DNAJC3: variants seen among roughly 807,000 people sequenced by gnomAD.
DNAJC3 encodes DnaJ heat shock protein family (Hsp40) member C3.
A neutral mutation model predicts 68.6 loss-of-function variants in DNAJC3; 38 were observed. That is an observed-to-expected ratio of 0.55 (90% CI 0.43 to 0.73). DNAJC3 has a LOEUF of 0.73. DNAJC3 is among the 30% of genes least tolerant of loss of function. DNAJC3 has a pLI of 0.00. For missense variants in DNAJC3, 526 were observed against 591.9 expected (o/e 0.89, Z 1.16); for synonymous variants, 203 against 204.0 (o/e 1.00, Z 0.04).
At chr13:95,764,259 G>A (rs527275838) in intron 9 of DNAJC3, among the ~76,000 whole-genome samples, 6 of 151,420 alleles carry the variant, frequency 4.0e-5, no homozygotes, top group East Asian at 3.9e-4. Flanking sequence ...CATGTTATCC[G>A]GAAGTAATCA....
chr13:95,730,121 A>G (rs1319519529), intron 4 of DNAJC3, among the ~76,000 whole-genome samples: 2 of 152,004 alleles, frequency 1.3e-5, no homozygotes, highest in African/African-American at 4.8e-5. Context: ...CCCCCCAAGT[A>G]ACTGAGACTA....
At chr13:95,769,418 GTAT>G (rs1329888264) in intron 9 of DNAJC3, among the ~76,000 whole-genome samples, 1 of 152,210 alleles carries the variant, frequency 6.6e-6, no homozygotes, top group African/African-American at 2.4e-5. Flanking sequence ...GATGCTGATT[GTAT>G]TTAAGATCCT....
In DNAJC3 at chr13:95,794,682, G is replaced by A. The variant is rs756509742; in HGVS notation, c.*3652G>A. The A allele has an allele frequency of 1.3e-5, 2 of 152,196 alleles. No homozygotes were observed. Among genetic ancestry groups the A allele is most frequent in the Admixed American group, 6.5e-5 (1 of 15,290 alleles). The allele number at this position is 152,196 out of a possible 1,614,324, so 9.4% of individuals were successfully genotyped here. A position where few individuals can be genotyped will look rare whatever the true frequency, so the allele number is the denominator to read the frequency against. On this transcript the variant is annotated 3_prime_UTR_variant, in exon 12 of 12. Coordinates refer to ENST00000602402, the MANE Select transcript of DNAJC3 (RefSeq NM_006260.5). ...ATTTAAGAGTAAAATTAGCCACTGC[G>A]TGGCTTTGTGTATAGTAACCGGTTT...
chr13:95,685,689 G>GT (rs374477294), intron 1 of DNAJC3, among the ~76,000 whole-genome samples: 41 of 150,486 alleles, frequency 2.7e-4, no homozygotes, highest in East Asian at 9.8e-4. Context: ...TAGGTTTTTT[G>GT]TTTTTTTTTA....
chr13:95,743,854 CG>C (rs1882223615), intron 4 of DNAJC3, among the ~76,000 whole-genome samples: 1 of 152,180 alleles, frequency 6.6e-6, no homozygotes, highest in African/African-American at 2.4e-5. Flanking sequence ...CCACCACGCC[CG>C]GCTGCCTCCT....
At chr13:95,747,588 C>T (rs1156760225) in intron 4 of DNAJC3, among the ~76,000 whole-genome samples, 2 of 152,130 alleles carry the variant, frequency 1.3e-5, no homozygotes, top group Non-Finnish European at 2.9e-5. Context: ...GGAATTGGCT[C>T]TTTATGGCCA....
At chr13:95,706,824 G>A (rs1880766756) in intron 1 of DNAJC3, among the ~76,000 whole-genome samples, 2 of 152,178 alleles carry the variant, frequency 1.3e-5, no homozygotes, top group South Asian at 2.1e-4. Flanking sequence ...GAAACTTGGT[G>A]AGACCATGAA....
rs2139707214 is a variant in DNAJC3, at chr13:95,794,286, T to G, written c.*3256T>G. ...TCTACTCACAATGGATGATGAAAAATTTCACCTTTAAATGGGTCAGAAGTT... is the reference window on the plus strand; with the variant it reads ...TCTACTCACAATGGATGATGAAAAAGTTCACCTTTAAATGGGTCAGAAGTT... On this transcript the variant is annotated 3_prime_UTR_variant, in exon 12 of 12. Coordinates refer to ENST00000602402, the MANE Select transcript of DNAJC3 (RefSeq NM_006260.5). 6.6e-6 allele frequency: 1 copy of G among 152,212 alleles called. No homozygotes were observed. Among genetic ancestry groups the G allele is most frequent in the East Asian group, 1.9e-4 (1 of 5,168 alleles). 9.4% of individuals were successfully genotyped at this position (152,212 alleles called of 1,614,324 possible). A position where few individuals can be genotyped will look rare whatever the true frequency, so the allele number is the denominator to read the frequency against.
intron 4 of DNAJC3, among the ~76,000 whole-genome samples, chr13:95,726,953 G>C (rs2139645012): frequency 6.6e-6 from 1 of 152,298 alleles, no homozygotes; most frequent in East Asian, 1.9e-4. Flanking sequence ...AAACTGCCTT[G>C]TGGTCTCAAT....
chr13:95,754,405 A>G (rs752579496), intron 4 of DNAJC3, among the ~76,000 whole-genome samples: 3 of 152,180 alleles, frequency 2.0e-5, no homozygotes, highest in Non-Finnish European at 2.9e-5. Flanking sequence ...TTGTGACCTA[A>G]TCAAGGACGT....
chr13:95,772,523 G>A (rs914412164), intron 9 of DNAJC3, among the ~76,000 whole-genome samples: 1 of 152,244 alleles, frequency 6.6e-6, no homozygotes, highest in East Asian at 1.9e-4. Context: ...CTGCATCCTT[G>A]CAAACATTTT....
intron 2 of DNAJC3, among the ~76,000 whole-genome samples, chr13:95,709,570 G>C (rs1025751887): frequency 1.3e-5 from 2 of 151,694 alleles, no homozygotes; most frequent in Non-Finnish European, 2.9e-5. Flanking sequence ...CTACTACCAA[G>C]GATAACTCAA....
At chr13:95,759,049 G>A (rs17878760) in intron 5 of DNAJC3, among the ~76,000 whole-genome samples, 2,374 of 152,166 alleles carry the variant, frequency 0.016, 117 homozygotes, top group East Asian at 0.13. Flanking sequence ...TGATATTTTT[G>A]TATATGTGAA....
chr13:95,773,956 C>T (rs1883233129), intron 9 of DNAJC3, among the ~76,000 whole-genome samples: 3 of 151,628 alleles, frequency 2.0e-5, no homozygotes, highest in Admixed American at 6.6e-5. Context: ...AGGATGGTCT[C>T]GATCTCCTGA....
At chr13:95,764,750 TATATATATAC>T (rs1882941963) in intron 9 of DNAJC3, among the ~76,000 whole-genome samples, 1 of 138,356 alleles carries the variant, frequency 7.2e-6, no homozygotes, top group Non-Finnish European at 1.5e-5. Context: ...ATAATACATG[TATATATATAC>T]ATATATATAT....
intron 2 of DNAJC3, among the ~76,000 whole-genome samples, chr13:95,714,645 T>C (rs1881080422): frequency 6.6e-6 from 1 of 152,266 alleles, no homozygotes; most frequent in South Asian, 2.1e-4. Context: ...GGCTGTTTAC[T>C]GTGTGACCAC....
At chr13:95,691,573 A>G (rs867803123) in intron 1 of DNAJC3, among the ~76,000 whole-genome samples, 2,489 of 142,592 alleles carry the variant, frequency 0.017, 71 homozygotes, top group African/African-American at 0.063. Context: ...TTTCCAGACT[A>G]GGCAGCCAGG....
At chr13:95,764,760 CAT>C (rs200982081) in intron 9 of DNAJC3, among the ~76,000 whole-genome samples, 9,159 of 105,076 alleles carry the variant, frequency 0.087, 378 homozygotes, top group East Asian at 0.18. Context: ...TATATATATA[CAT>C]ATATATATAT....
At chr13:95,789,170 T>TTGTAA (rs1555329990) in intron 11 of DNAJC3, among the ~76,000 whole-genome samples, 15 of 152,216 alleles carry the variant, frequency 9.9e-5, no homozygotes, top group African/African-American at 3.4e-4. Flanking sequence ...ATTTTTTTTT[T>TTGTAA]GTAAGTTCAG....
Sources: allele counts gnomAD v4.1 joint callset (sites outside exome capture counted in the v4.1 genomes callset), GRCh38; gene constraint gnomAD v4.1.1; transcripts MANE v1.5; gene names NCBI Gene and HGNC (gene_info 2026-07-23, HGNC 2026-07-21).